The following ZFPM2 variants were observed in gnomAD, a reference collection of about 807,000 sequenced individuals.
ZFPM2 encodes the protein zinc finger protein, FOG family member 2, also known as zinc finger protein ZFPM2.
Under a neutral mutation model 98.6 loss-of-function variants are expected in ZFPM2, and 20 were observed. The observed-to-expected ratio is 0.20, with a 90% CI of 0.14 to 0.29. The LOEUF (loss-of-function observed/expected upper bound fraction) is 0.29. Among genes scored for constraint, ZFPM2 ranks in the 10% least tolerant of loss-of-function variants. ZFPM2 has a pLI of 1.00. For synonymous variants in ZFPM2, 518 were observed against 502.7 expected, an observed-to-expected ratio of 1.03 and a Z score of -0.41; for missense variants, 1,310 against 1,388.6, an observed-to-expected ratio of 0.94 and a Z score of 0.90.
At position 105,803,170 on chromosome 8, in the gene ZFPM2, G is replaced by C; in HGVS notation, c.3088G>C (p.Asp1030His). The change falls in exon 8 of 8, where the codon GAT (aspartate) becomes CAT (histidine). Residue 1030 changes from aspartate to histidine, a missense_variant. Coordinates refer to ENST00000407775, the MANE Select transcript of ZFPM2 (RefSeq NM_012082.4). ...SSNGCAALKK[D>H]SLPLLPKNRG... ...AAATGGGTGTGCTGCGCTGAAGAAA[G>C]ATTCTCTGCCATTGTTGCCCAAAAA... 2 of 1,613,872 alleles carry C rather than the reference G, an allele frequency of 1.2e-6. No homozygotes were observed. Among genetic ancestry groups the C allele is most frequent in the Non-Finnish European group, 1.7e-6 (2 of 1,179,842 alleles).
At chr8:105,797,481 C>G (rs1388127748) in intron 6 of ZFPM2, among the ~76,000 whole-genome samples, 2 of 152,182 alleles carry the variant, frequency 1.3e-5, no homozygotes, top group African/African-American at 2.4e-5. Context: ...ATGTCAGTGT[C>G]TTGCTTAAAA....
intron 4 of ZFPM2, among the ~76,000 whole-genome samples, chr8:105,615,257 T>C (rs1035234282): frequency 3.3e-5 from 5 of 152,116 alleles, no homozygotes; most frequent in Non-Finnish European, 7.4e-5. Flanking sequence ...GGAAATATAC[T>C]CTCAAGTTTA....
At chr8:105,769,194 A>G (rs1171337510) in intron 5 of ZFPM2, among the ~76,000 whole-genome samples, 1 of 152,002 alleles carries the variant, frequency 6.6e-6, no homozygotes, top group Non-Finnish European at 1.5e-5. Context: ...CCTACAAAGG[A>G]AACACGATCA....
intron 1 of ZFPM2, among the ~76,000 whole-genome samples, chr8:105,386,014 C>T (rs951897087): frequency 9.9e-5 from 15 of 152,170 alleles, no homozygotes; most frequent in Non-Finnish European, 1.5e-5. Context: ...AGAGCTGAAA[C>T]AGTTACCCCC....
chr8:105,579,011 C>T (rs1007098151), intron 4 of ZFPM2, among the ~76,000 whole-genome samples: 3 of 152,060 alleles, frequency 2.0e-5, no homozygotes, highest in African/African-American at 7.2e-5. Context: ...AGTAAACCTT[C>T]TGTTGAATAT....
rs1814120041 is a variant in ZFPM2 at position 105,803,729 on chromosome 8, A to AAAATT, written c.*194_*198dup. On this transcript the variant is annotated 3_prime_UTR_variant, in exon 8 of 8. Coordinates refer to ENST00000407775, the MANE Select transcript of ZFPM2 (RefSeq NM_012082.4). ...GTGTATTATTGGTGCCATTTTCAAA[A>AAAATT]AAATTAATTTATTTTACCAGCAGTA... 1 of 585,700 alleles carries AAAATT rather than the reference A, an allele frequency of 1.7e-6. No homozygotes were observed. The highest frequency in any genetic ancestry group is 2.9e-6 in the Non-Finnish European group (1 of 339,478). The allele number at this position is 585,700 out of a possible 1,614,324, so 36.3% of individuals were successfully genotyped here.
chr8:105,422,766 G>A (rs1392055003), intron 2 of ZFPM2, among the ~76,000 whole-genome samples: 2 of 151,968 alleles, frequency 1.3e-5, no homozygotes, highest in Non-Finnish European at 2.9e-5. Flanking sequence ...CATTATCAGG[G>A]GAGCATACTG....
chr8:105,654,881 T>G (rs1200845979), intron 5 of ZFPM2, among the ~76,000 whole-genome samples: 1 of 152,182 alleles, frequency 6.6e-6, no homozygotes, highest in Non-Finnish European at 1.5e-5. Context: ...AGAAAATATT[T>G]TCTTCACCCC....
chr8:105,492,295 A>G (rs1043812881), intron 3 of ZFPM2, among the ~76,000 whole-genome samples: 1 of 152,196 alleles, frequency 6.6e-6, no homozygotes, highest in Non-Finnish European at 1.5e-5. Flanking sequence ...GATTATCTGT[A>G]TACCAATTAC....
chr8:105,758,020 A>G (rs1479825028), intron 5 of ZFPM2, among the ~76,000 whole-genome samples: 1 of 152,168 alleles, frequency 6.6e-6, no homozygotes, highest in Non-Finnish European at 1.5e-5. Flanking sequence ...AGAGTAAAGG[A>G]ATTTCCTTAC....
chr8:105,527,819 A>G (rs1188155429), intron 3 of ZFPM2, among the ~76,000 whole-genome samples: 1 of 152,226 alleles, frequency 6.6e-6, no homozygotes, highest in Non-Finnish European at 1.5e-5. Flanking sequence ...GGATTTAATC[A>G]TGAAGAAAGT....
chr8:105,680,899 T>G (rs1169780282), intron 5 of ZFPM2, among the ~76,000 whole-genome samples: 1 of 151,690 alleles, frequency 6.6e-6, no homozygotes, highest in Admixed American at 6.6e-5. Context: ...TGAAAAAAAA[T>G]CACACAAAAA....
intron 5 of ZFPM2, among the ~76,000 whole-genome samples, chr8:105,747,026 G>A (rs1237105330): frequency 6.6e-6 from 1 of 151,984 alleles, no homozygotes; most frequent in Non-Finnish European, 1.5e-5. Context: ...ACTTCAAATA[G>A]CAATTAAGTA....
At chr8:105,495,431 A>G (rs79684038) in intron 3 of ZFPM2, among the ~76,000 whole-genome samples, 6,846 of 152,302 alleles carry the variant, frequency 0.045, 530 homozygotes, top group African/African-American at 0.15. Context: ...ACAGGAAAGA[A>G]TGAATACATT....
At chr8:105,568,935 C>T (rs1433241796) in intron 4 of ZFPM2, among the ~76,000 whole-genome samples, 1 of 151,962 alleles carries the variant, frequency 6.6e-6, no homozygotes, top group Non-Finnish European at 1.5e-5. Flanking sequence ...TTTCCACATC[C>T]GTACATTTGG....
chr8:105,356,628 C>T (rs1812752751), intron 1 of ZFPM2, among the ~76,000 whole-genome samples: 1 of 152,090 alleles, frequency 6.6e-6, no homozygotes, highest in South Asian at 2.1e-4. Context: ...TATATATATA[C>T]AGTTTGCATG....
At chr8:105,745,612 TATAATA>T (rs931436951) in intron 5 of ZFPM2, among the ~76,000 whole-genome samples, 1 of 152,104 alleles carries the variant, frequency 6.6e-6, no homozygotes, top group African/African-American at 2.4e-5. Context: ...TTTTGAGAAA[TATAATA>T]AGAATAATTT....
chr8:105,481,291 T>C (rs1813112676), intron 3 of ZFPM2, among the ~76,000 whole-genome samples: 1 of 143,356 alleles, frequency 7.0e-6, no homozygotes, highest in Non-Finnish European at 1.5e-5. Flanking sequence ...TTCCTTGGAC[T>C]GTGTGGCTTA....
At chr8:105,340,417 T>C (rs1432085703) in intron 1 of ZFPM2, among the ~76,000 whole-genome samples, 6 of 151,970 alleles carry the variant, frequency 3.9e-5, no homozygotes, top group Admixed American at 3.9e-4. Flanking sequence ...TTACATTTGC[T>C]ATTCCATGCT....
Sources: allele counts gnomAD v4.1 joint callset (sites outside exome capture counted in the v4.1 genomes callset), GRCh38; gene constraint gnomAD v4.1.1; transcripts MANE v1.5; gene names NCBI Gene and HGNC (gene_info 2026-07-23, HGNC 2026-07-21).